Variants in PCDHA7 observed in about 807,000 individuals in gnomAD.
PCDHA7 encodes the protein protocadherin alpha 7.
In PCDHA7, 37 loss-of-function variants were observed where a neutral mutation model predicts 57.2. The ratio of observed to expected loss-of-function variants is 0.65; its 90% CI spans 0.50 to 0.85. PCDHA7 has a LOEUF of 0.85. Ranked by LOEUF, PCDHA7 falls within the 40% of genes least tolerant of loss-of-function variation. The probability of loss-of-function intolerance (pLI) is 0.00; values close to 1 mark genes in which losing one functional copy is unlikely to be tolerated. For synonymous variants in PCDHA7, 553 were observed against 558.8 expected (o/e 0.99, Z 0.15); for missense variants, 1,188 against 1,241.8 (o/e 0.96, Z 0.65).
chr5:140,911,223 G>A (rs1305979222), intron 1 of PCDHA7, among the ~76,000 whole-genome samples: 1 of 152,148 alleles, frequency 6.6e-6, no homozygotes, highest in Non-Finnish European at 1.5e-5. Flanking sequence ...TGAGAAAGCT[G>A]TTTCTTCTGG....
chr5:140,947,760 A>G (rs1332466215), intron 1 of PCDHA7, among the ~76,000 whole-genome samples: 1 of 151,618 alleles, frequency 6.6e-6, no homozygotes, highest in Admixed American at 6.6e-5. Context: ...TTATGGTTTA[A>G]AAAATTCTAT....
intron 1 of PCDHA7, chr5:140,876,498 C>A: frequency 6.2e-7 from 1 of 1,613,918 alleles, no homozygotes; most frequent in East Asian, 2.2e-5. Context: ...AAGTTCTGGA[C>A]GTGAATGACA....
At chr5:140,875,597 G>T in intron 1 of PCDHA7, 1 of 1,613,960 alleles carries the variant, frequency 6.2e-7, no homozygotes, top group African/African-American at 1.3e-5. Flanking sequence ...GCCAAACACG[G>T]CACCTTCGTG....
At chr5:140,908,049 G>A (rs563362239) in intron 1 of PCDHA7, among the ~76,000 whole-genome samples, 19 of 152,210 alleles carry the variant, frequency 1.2e-4, no homozygotes, top group Admixed American at 1.0e-3. Flanking sequence ...TTGCACATCC[G>A]GCCATTTCTC....
chr5:140,849,643 G>A, intron 1 of PCDHA7: 1 of 1,598,612 alleles, frequency 6.3e-7, no homozygotes, highest in Non-Finnish European at 8.6e-7. Flanking sequence ...GATGCCAACG[G>A]GCAGGTTACC....
At chr5:140,877,280 A>G (rs782014601) in intron 1 of PCDHA7, 14 of 1,613,734 alleles carry the variant, frequency 8.7e-6, no homozygotes, top group Non-Finnish European at 1.2e-5. Context: ...GACTCCGGCT[A>G]TAACGCTTGG....
chr5:140,877,558 A>T, intron 1 of PCDHA7: 1 of 1,613,746 alleles, frequency 6.2e-7, no homozygotes, highest in Non-Finnish European at 8.5e-7. Flanking sequence ...TCTGGTGGAT[A>T]TTAACGTGTA....
chr5:140,846,760 A>G (rs2150394532), intron 1 of PCDHA7, among the ~76,000 whole-genome samples: 3 of 149,554 alleles, frequency 2.0e-5, no homozygotes, highest in South Asian at 4.2e-4. Flanking sequence ...CTCTAACAGC[A>G]TATCATCATG....
At chr5:140,844,657 C>G (rs1252310311) in intron 1 of PCDHA7, among the ~76,000 whole-genome samples, 1 of 149,150 alleles carries the variant, frequency 6.7e-6, no homozygotes, top group South Asian at 2.1e-4. Context: ...TCTTGCAAAC[C>G]AAACATATAA....
At chr5:140,838,648 A>G (rs1026164992) in intron 1 of PCDHA7, among the ~76,000 whole-genome samples, 1 of 152,158 alleles carries the variant, frequency 6.6e-6, no homozygotes, top group East Asian at 1.9e-4. Context: ...CAAAAAAATG[A>G]TAGTTAACGG....
chr5:140,882,466 G>A (rs782656797), intron 1 of PCDHA7: 1 of 1,614,028 alleles, frequency 6.2e-7, no homozygotes, highest in South Asian at 1.1e-5. Flanking sequence ...TGTTCCGGGT[G>A]GCGTCCAAAA....
chr5:140,963,233 G>C (rs151988), intron 1 of PCDHA7, among the ~76,000 whole-genome samples: 50,230 of 151,972 alleles, frequency 0.33, 8,535 homozygotes, highest in East Asian at 0.53. Context: ...GACACTGTTT[G>C]ATGGATTAGG....
intron 1 of PCDHA7, among the ~76,000 whole-genome samples, chr5:140,942,587 CAT>C (rs2093330311): frequency 6.7e-6 from 1 of 148,732 alleles, no homozygotes; most frequent in East Asian, 2.0e-4. Flanking sequence ...TAGGATGTCA[CAT>C]ATAATTATAG....
At chr5:140,979,704 T>C (rs1430662594) in intron 2 of PCDHA7, among the ~76,000 whole-genome samples, 1 of 152,246 alleles carries the variant, frequency 6.6e-6, no homozygotes, top group Non-Finnish European at 1.5e-5. Context: ...TTTCTGGAGG[T>C]GATCCAGTAT....
At chr5:140,968,986 A>ATGCTGTGGAGGC (rs782197469) in intron 1 of PCDHA7, 25 of 1,614,206 alleles carry the variant, frequency 1.5e-5, no homozygotes, top group Non-Finnish European at 1.9e-5. Flanking sequence ...ATGGCACTGC[A>ATGCTGTGGAGGC]TGCTGTGGAG....
intron 1 of PCDHA7, among the ~76,000 whole-genome samples, chr5:140,921,179 G>A (rs1346400425): frequency 1.3e-5 from 2 of 151,662 alleles, no homozygotes; most frequent in Non-Finnish European, 2.9e-5. Context: ...ATAAAGCACA[G>A]TTTTTTCACA....
At position 140,858,115 on chromosome 5, in the gene PCDHA7, G is replaced by A. The variant is rs371261838; in HGVS notation, c.2355+21377G>A. 5.0e-6 allele frequency: 8 copies of A among 1,597,696 alleles called. 1 individual carries two copies. Among genetic ancestry groups the A allele is most frequent in the Non-Finnish European group, 6.9e-6 (8 of 1,167,654 alleles). ...CTTCAGTGGGCGTGGCGCCCGAGGT[G>A]GCCCTGGTGGATGTCAACGTGTACC... On this transcript the variant is annotated intron_variant, in intron 1 of 3. Transcript: ENST00000525929.
rs1773294671 is a variant in PCDHA7, at chr5:140,834,794, AAG to A, written c.412_413del (p.Arg138GlufsTer11). 1 of 1,613,446 alleles carries A rather than the reference AAG, an allele frequency of 6.2e-7. No homozygotes were observed. The highest frequency in any genetic ancestry group is 1.1e-5 in the South Asian group (1 of 90,984). Reference protein sequence around the residue: ...DNPPVFPATQRNLFIAESRPL... With the variant: ...DNPPVFPATQXNLFIAESRPL... Reference sequence around the variant, plus strand: ...ACCCTCCGGTGTTCCCAGCGACACAAAGGAATCTGTTCATCGCGGAATCCAGG... The same window carrying A: ...ACCCTCCGGTGTTCCCAGCGACACAAGAATCTGTTCATCGCGGAATCCAGG... On this transcript the variant is annotated frameshift_variant, in exon 1 of 4. Transcript: ENST00000525929. LOFTEE classifies it high-confidence loss of function.
intron 1 of PCDHA7, among the ~76,000 whole-genome samples, chr5:140,900,452 T>A (rs2068062293): frequency 6.6e-6 from 1 of 152,222 alleles, no homozygotes; most frequent in South Asian, 2.1e-4. Flanking sequence ...TAATTTTTTA[T>A]TTTTAGTAGA....
Sources: gnomAD v4.1 joint callset for allele counts (sites outside exome capture counted in the v4.1 genomes callset) on GRCh38, gnomAD v4.1.1 for gene constraint, MANE v1.5 for transcripts, NCBI Gene and HGNC (gene_info 2026-07-23, HGNC 2026-07-21) for gene names.